The following MAST4 variants were observed in gnomAD, a reference collection of about 807,000 sequenced individuals.
MAST4 encodes the protein microtubule associated serine/threonine kinase family member 4, also known as microtubule-associated serine/threonine-protein kinase 4.
Under a neutral mutation model 162.7 loss-of-function variants are expected in MAST4, and 89 were observed. The observed-to-expected ratio is 0.55, with a 90% CI of 0.46 to 0.65. The LOEUF is 0.65. Among genes scored for constraint, MAST4 ranks in the 30% least tolerant of loss-of-function variants. The pLI is 0.00. For missense variants in MAST4, 3,153 were observed against 3,374.0 expected, an observed-to-expected ratio of 0.93 and a Z score of 1.62; for synonymous variants, 1,479 against 1,361.1, an observed-to-expected ratio of 1.09 and a Z score of -1.91.
intron 1 of MAST4, among the ~76,000 whole-genome samples, chr5:66,744,235 T>A (rs932597814): frequency 6.6e-6 from 1 of 152,150 alleles, no homozygotes. Context: ...CTGAATGATT[T>A]CCATTTTAAC....
intron 26 of MAST4, among the ~76,000 whole-genome samples, chr5:67,159,468 C>T (rs1649679812): frequency 6.6e-6 from 1 of 152,170 alleles, no homozygotes; most frequent in Non-Finnish European, 1.5e-5. Context: ...GCCACCATAC[C>T]TAACTCCCCC....
chr5:66,805,112 TA>T (rs1435093583), intron 3 of MAST4, among the ~76,000 whole-genome samples: 1 of 152,206 alleles, frequency 6.6e-6, no homozygotes, highest in African/African-American at 2.4e-5. Context: ...CTCATATCTT[TA>T]GGGGTTAATA....
chr5:66,737,287 T>C (rs1752210610), intron 1 of MAST4, among the ~76,000 whole-genome samples: 1 of 152,138 alleles, frequency 6.6e-6, no homozygotes, highest in Non-Finnish European at 1.5e-5. Context: ...GAAGCCTCAG[T>C]TCCTCACCAT....
At chr5:66,944,885 C>T (rs937685660) in intron 4 of MAST4, among the ~76,000 whole-genome samples, 1 of 152,070 alleles carries the variant, frequency 6.6e-6, no homozygotes, top group African/African-American at 2.4e-5. Flanking sequence ...AAAGGACTTA[C>T]CTGATTAGGT....
intron 1 of MAST4, among the ~76,000 whole-genome samples, chr5:66,730,862 T>C (rs1751804369): frequency 6.6e-6 from 1 of 150,408 alleles, no homozygotes; most frequent in Admixed American, 6.6e-5. Context: ...CCCCTCCCCC[T>C]CCCCCAAAAA....
At chr5:66,780,555 G>C (rs575215182) in intron 2 of MAST4, among the ~76,000 whole-genome samples, 2 of 152,206 alleles carry the variant, frequency 1.3e-5, no homozygotes, top group Non-Finnish European at 2.9e-5. Flanking sequence ...GACCCAAAGA[G>C]TGAGCAGCAG....
chr5:66,983,159 T>C (rs1749071118), intron 4 of MAST4, among the ~76,000 whole-genome samples: 2 of 152,234 alleles, frequency 1.3e-5, no homozygotes, highest in Non-Finnish European at 1.5e-5. Flanking sequence ...ATCATACCTA[T>C]ATGTACCTTC....
intron 4 of MAST4, among the ~76,000 whole-genome samples, chr5:66,921,343 G>A (rs1251385567): frequency 6.6e-6 from 1 of 152,178 alleles, no homozygotes; most frequent in African/African-American, 2.4e-5. Flanking sequence ...ATCACTCCTG[G>A]ACCTAATGAG....
At chr5:66,649,100 A>T (rs1401397404) in intron 1 of MAST4, among the ~76,000 whole-genome samples, 1 of 152,164 alleles carries the variant, frequency 6.6e-6, no homozygotes, top group Admixed American at 6.6e-5. Flanking sequence ...GGGAGTTCAG[A>T]GTATTTCCGC....
At chr5:67,082,745 A>G (rs1762819354) in intron 5 of MAST4, among the ~76,000 whole-genome samples, 2 of 152,184 alleles carry the variant, frequency 1.3e-5, no homozygotes, top group South Asian at 4.1e-4. Context: ...ATTTAGAGTT[A>G]TAAGACCATG....
chr5:66,719,049 G>A lies in MAST4; in HGVS notation c.364-40660G>A, dbSNP rs552665305. On this transcript the variant is annotated intron_variant, in intron 1 of 28. Transcript: ENST00000403625. The stretch of plus-strand genomic sequence containing the variant: ...AAAGTGTCTAGAGGAGAAGCGGCAG[G>A]TATTTCAAATGCAGAATGGTTGGGG... 9.8e-5 allele frequency among the ~76,000 whole-genome samples: 15 copies of A among 152,306 alleles called. No homozygotes were observed. The South Asian group carries it at 1.9e-3, about 19-fold the overall frequency.
At chr5:67,078,937 T>TATATATATA (rs1762258853) in intron 5 of MAST4, among the ~76,000 whole-genome samples, 3 of 95,396 alleles carry the variant, frequency 3.1e-5, no homozygotes, top group Admixed American at 1.3e-4. Flanking sequence ...TATATATATA[T>TATATATATA]ATATATATAT....
At chr5:66,764,264 G>A (rs1370877170) in intron 2 of MAST4, among the ~76,000 whole-genome samples, 1 of 152,186 alleles carries the variant, frequency 6.6e-6, no homozygotes, top group Non-Finnish European at 1.5e-5. Flanking sequence ...TAGACCAGCA[G>A]CTACCAAAGG....
At chr5:66,741,976 T>C (rs1459362931) in intron 1 of MAST4, among the ~76,000 whole-genome samples, 1 of 152,242 alleles carries the variant, frequency 6.6e-6, no homozygotes, top group East Asian at 1.9e-4. Context: ...CAGGTTGTTA[T>C]ATACTAGAGC....
intron 4 of MAST4, among the ~76,000 whole-genome samples, chr5:66,927,932 CT>C (rs767118004): frequency 1.4e-4 from 22 of 152,122 alleles, no homozygotes; most frequent in Non-Finnish European, 2.8e-4. Context: ...TTTTGCTTTC[CT>C]TGGCTTTCAG....
intron 1 of MAST4, among the ~76,000 whole-genome samples, chr5:66,700,427 T>G (rs1181251765): frequency 6.6e-6 from 1 of 152,108 alleles, no homozygotes; most frequent in African/African-American, 2.4e-5. Flanking sequence ...TGTTTTGAAT[T>G]TTATATTAAC....
At chr5:66,845,126 T>TATATATATATATATATACACAC (rs1358855625) in intron 3 of MAST4, among the ~76,000 whole-genome samples, 9 of 67,172 alleles carry the variant, frequency 1.3e-4, no homozygotes, top group East Asian at 8.0e-4. Context: ...TATATATATA[T>TATATATATATATATATACACAC]ACACACACAC....
chr5:67,116,420 G>A (rs530746988), intron 12 of MAST4, among the ~76,000 whole-genome samples: 2 of 151,158 alleles, frequency 1.3e-5, no homozygotes, highest in Non-Finnish European at 1.5e-5. Flanking sequence ...TGGCCAGGCT[G>A]GTCTTGAACT....
At chr5:66,874,017 A>C (rs1295531280) in intron 3 of MAST4, among the ~76,000 whole-genome samples, 1 of 152,150 alleles carries the variant, frequency 6.6e-6, no homozygotes, top group Non-Finnish European at 1.5e-5. Context: ...TCTTTGTCTT[A>C]GAAAGCCTTT....
Sources: gnomAD v4.1 joint callset for allele counts (sites outside exome capture counted in the v4.1 genomes callset) on GRCh38, gnomAD v4.1.1 for gene constraint, MANE v1.5 for transcripts, NCBI Gene and HGNC (gene_info 2026-07-23, HGNC 2026-07-21) for gene names.